Variants in AFG1L observed in about 807,000 individuals in gnomAD.
The protein encoded by AFG1L is AFG1 like ATPase, also known as AFG1-like ATPase.
A neutral mutation model predicts 62.2 loss-of-function variants in AFG1L; 53 were observed. The ratio of observed to expected loss-of-function variants is 0.85; its 90% CI spans 0.68 to 1.07. AFG1L has a LOEUF of 1.07. Ranked by LOEUF, AFG1L falls within the 50% of genes least tolerant of loss-of-function variation. The pLI is 0.00. For missense variants in AFG1L, 555 were observed against 590.5 expected (o/e 0.94, Z 0.62); for synonymous variants, 228 against 210.3 (o/e 1.08, Z -0.73).
At chr6:108,408,363 A>G (rs945119562) in intron 7 of AFG1L, among the ~76,000 whole-genome samples, 7 of 152,138 alleles carry the variant, frequency 4.6e-5, no homozygotes, top group African/African-American at 1.4e-4. Flanking sequence ...TATCTCCCAG[A>G]TTATGTGTAT....
At chr6:108,466,872 T>G (rs1338433772) in intron 8 of AFG1L, among the ~76,000 whole-genome samples, 1 of 151,342 alleles carries the variant, frequency 6.6e-6, no homozygotes, top group Admixed American at 6.6e-5. Context: ...AATGCACCCA[T>G]CACCGGTAAA....
intron 2 of AFG1L, among the ~76,000 whole-genome samples, chr6:108,345,738 T>C (rs1352619703): frequency 6.6e-6 from 1 of 152,214 alleles, no homozygotes; most frequent in Non-Finnish European, 1.5e-5. Context: ...CTGACTTTTA[T>C]GTTGGAAGTT....
chr6:108,405,934 T>G (rs1030262672), intron 7 of AFG1L, among the ~76,000 whole-genome samples: 2 of 152,228 alleles, frequency 1.3e-5, no homozygotes, highest in Admixed American at 1.3e-4. Flanking sequence ...CTCCAAAGTT[T>G]ATGCATGTTG....
At chr6:108,430,773 T>A (rs1355553964) in intron 7 of AFG1L, among the ~76,000 whole-genome samples, 1 of 152,234 alleles carries the variant, frequency 6.6e-6, no homozygotes, top group African/African-American at 2.4e-5. Context: ...TAAAAGGCAG[T>A]GGGGCATTTT....
intron 12 of AFG1L, 149 bp downstream of exon 12, chr6:108,519,959 T>C: frequency 3.9e-6 from 2 of 509,300 alleles, no homozygotes; most frequent in Non-Finnish European, 3.5e-6. Flanking sequence ...AAATTTATCA[T>C]TCTCAATATC....
chr6:108,336,099 T>C (rs1778466369), intron 2 of AFG1L, among the ~76,000 whole-genome samples: 1 of 152,158 alleles, frequency 6.6e-6, no homozygotes, highest in Non-Finnish European at 1.5e-5. Context: ...TAATATATAG[T>C]TCAGTTTTTT....
intron 8 of AFG1L, among the ~76,000 whole-genome samples, chr6:108,459,746 A>C (rs904275348): frequency 1.3e-5 from 2 of 152,234 alleles, no homozygotes; most frequent in African/African-American, 4.8e-5. Context: ...TAAAACACTC[A>C]TAATTTAATG....
intron 5 of AFG1L, among the ~76,000 whole-genome samples, chr6:108,362,087 T>G (rs974050118): frequency 2.0e-5 from 3 of 152,270 alleles, no homozygotes; most frequent in African/African-American, 7.2e-5. Context: ...CCATATTAAG[T>G]CCCACTCCCC....
intron 8 of AFG1L, among the ~76,000 whole-genome samples, chr6:108,469,265 T>C (rs2114796668): frequency 6.6e-6 from 1 of 152,276 alleles, no homozygotes; most frequent in East Asian, 1.9e-4. Flanking sequence ...TCTGTCTAAT[T>C]CCTGGGATAG....
At chr6:108,474,293 A>C (rs1312962145) in intron 8 of AFG1L, among the ~76,000 whole-genome samples, 1 of 152,166 alleles carries the variant, frequency 6.6e-6, no homozygotes, top group Non-Finnish European at 1.5e-5. Flanking sequence ...ATTGATAGGC[A>C]TTGGGGTTGA....
At chr6:108,507,585 G>T (rs2114891261) in intron 10 of AFG1L, among the ~76,000 whole-genome samples, 1 of 152,290 alleles carries the variant, frequency 6.6e-6, no homozygotes, top group East Asian at 1.9e-4. Context: ...TTTTCCTTGG[G>T]CATGTAGTTA....
chr6:108,385,272 C>T (rs1780712032), intron 6 of AFG1L, among the ~76,000 whole-genome samples: 1 of 152,256 alleles, frequency 6.6e-6, no homozygotes, highest in South Asian at 2.1e-4. Flanking sequence ...CACTGTGACA[C>T]ATTTGTGATG....
At chr6:108,471,167 AT>A (rs1772876159) in intron 8 of AFG1L, among the ~76,000 whole-genome samples, 1 of 152,188 alleles carries the variant, frequency 6.6e-6, no homozygotes, top group Non-Finnish European at 1.5e-5. Flanking sequence ...ACTAAGTGGA[AT>A]GTAGTGAATG....
chr6:108,515,437 G>T (rs981470932), intron 11 of AFG1L, among the ~76,000 whole-genome samples: 1 of 152,140 alleles, frequency 6.6e-6, no homozygotes. Context: ...AAATAAAGAT[G>T]TTCTTTGAAA....
intron 10 of AFG1L, among the ~76,000 whole-genome samples, chr6:108,478,159 C>T (rs765488826): frequency 9.2e-5 from 14 of 152,182 alleles, no homozygotes; most frequent in Non-Finnish European, 1.8e-4. Context: ...TAGTGACGGC[C>T]GGGTGCGGTG....
intron 7 of AFG1L, among the ~76,000 whole-genome samples, chr6:108,443,673 G>A (rs553387764): frequency 2.1e-4 from 32 of 152,116 alleles, no homozygotes; most frequent in African/African-American, 7.2e-4. Context: ...CCAGGAGTTC[G>A]AGACCAGCTT....
chr6:108,441,415 T>A (rs1377036338), intron 7 of AFG1L, among the ~76,000 whole-genome samples: 11 of 152,278 alleles, frequency 7.2e-5, no homozygotes, highest in East Asian at 3.9e-4. Flanking sequence ...GCATTTTTTT[T>A]AGATTGTGTA....
chr6:108,389,738 G>T (rs1489876854), intron 6 of AFG1L, among the ~76,000 whole-genome samples: 1 of 152,146 alleles, frequency 6.6e-6, no homozygotes, highest in African/African-American at 2.4e-5. Context: ...AATTTCTGCC[G>T]AGAGATCCGC....
chr6:108,384,687 A>G (rs534414257), intron 6 of AFG1L, among the ~76,000 whole-genome samples: 2 of 152,304 alleles, frequency 1.3e-5, no homozygotes, highest in African/African-American at 4.8e-5. Context: ...AATTGCTGGG[A>G]GAGGGTGAGG....
Sources: gnomAD v4.1 joint callset for allele counts (sites outside exome capture counted in the v4.1 genomes callset) on GRCh38, gnomAD v4.1.1 for gene constraint, MANE v1.5 for transcripts, NCBI Gene and HGNC (gene_info 2026-07-23, HGNC 2026-07-21) for gene names.